The following CHN2 variants were observed in gnomAD, a reference collection of about 807,000 sequenced individuals.
The protein encoded by CHN2 is beta-chimaerin.
A neutral mutation model predicts 56.3 loss-of-function variants in CHN2; 35 were observed. The observed-to-expected ratio is 0.62, with a 90% CI of 0.47 to 0.82. The LOEUF is 0.82. Among genes scored for constraint, CHN2 ranks in the 40% least tolerant of loss-of-function variants. The pLI is 0.00. For synonymous variants in CHN2, 210 were observed against 212.8 expected (o/e 0.99, Z 0.12); for missense variants, 491 against 580.5 (o/e 0.85, Z 1.58).
intron 3 of CHN2, among the ~76,000 whole-genome samples, chr7:29,371,674 C>T (rs1262099041): frequency 6.6e-6 from 1 of 152,154 alleles, no homozygotes; most frequent in East Asian, 1.9e-4. Context: ...CACTGGACCT[C>T]CTCAGGCCAC....
intron 1 of CHN2, chr7:29,288,922 A>C (rs936902814): frequency 6.6e-6 from 1 of 152,244 alleles, no homozygotes; most frequent in Non-Finnish European, 1.5e-5. Flanking sequence ...GACACGCTTC[A>C]TCGTGCCAAC....
intron 1 of CHN2, among the ~76,000 whole-genome samples, chr7:29,210,714 TG>T (rs986622344): frequency 1.3e-5 from 2 of 152,022 alleles, no homozygotes; most frequent in African/African-American, 4.8e-5. Context: ...CAGGAAATGC[TG>T]GGGGTAAGGG....
In CHN2 at chr7:29,374,536, C is replaced by T. The variant is rs141844251; in HGVS notation, c.144+6549C>T. ...TAATACAGATCCCCGCAAGTATGCACCTAGAACATATTTAGACATTTCCAA... is the reference window on the plus strand; with the variant it reads ...TAATACAGATCCCCGCAAGTATGCATCTAGAACATATTTAGACATTTCCAA... On this transcript the variant is annotated intron_variant, in intron 3 of 12. Transcript: ENST00000222792. Among the ~76,000 whole-genome samples the T allele has an allele frequency of 4.4e-3, 675 of 152,168 alleles. 3 individuals are homozygous for T. The highest frequency in any genetic ancestry group is 7.1e-3 in the Non-Finnish European group (485 of 68,012).
chr7:29,243,916 C>T (rs930483530), intron 1 of CHN2, among the ~76,000 whole-genome samples: 5 of 152,186 alleles, frequency 3.3e-5, no homozygotes, highest in Non-Finnish European at 5.9e-5. Context: ...AAGATCTTGC[C>T]GATCTGAACA....
intron 1 of CHN2, among the ~76,000 whole-genome samples, chr7:29,236,214 T>G (rs1787186203): frequency 6.6e-6 from 1 of 152,186 alleles, no homozygotes; most frequent in South Asian, 2.1e-4. Flanking sequence ...GAGTAGAATT[T>G]CTGTGAGAAG....
chr7:29,212,885 G>A (rs572854322), intron 1 of CHN2: 4 of 1,610,594 alleles, frequency 2.5e-6, no homozygotes, highest in East Asian at 2.2e-5. Context: ...CTTCCAATGT[G>A]GAGCAACCAG....
At chr7:29,501,562 G>C (rs1165860408) in intron 9 of CHN2, among the ~76,000 whole-genome samples, 1 of 152,186 alleles carries the variant, frequency 6.6e-6, no homozygotes, top group Non-Finnish European at 1.5e-5. Flanking sequence ...TAACATTTAA[G>C]AATAGGGGGC....
intron 6 of CHN2, among the ~76,000 whole-genome samples, chr7:29,460,068 T>C (rs1785045444): frequency 6.7e-6 from 1 of 150,246 alleles, no homozygotes; most frequent in Admixed American, 6.6e-5. Context: ...CATATGTACA[T>C]TGAATCACCA....
At chr7:29,156,164 A>G (rs1253656270) in intron 2 of CHN2, among the ~76,000 whole-genome samples, 1 of 152,192 alleles carries the variant, frequency 6.6e-6, no homozygotes, top group African/African-American at 2.4e-5. Flanking sequence ...TTTGACATTC[A>G]GGTCTATCTT....
At chr7:29,216,977 A>C (rs372391871) in intron 1 of CHN2, among the ~76,000 whole-genome samples, 21 of 152,206 alleles carry the variant, frequency 1.4e-4, no homozygotes, top group African/African-American at 4.6e-4. Context: ...CTTTCTCCCC[A>C]GTGTACTAAC....
rs1790009071 is a variant in CHN2, at chr7:29,264,915, GA to G, written c.49+69926del. Among the ~76,000 whole-genome samples, 12 of 129,114 alleles carry G rather than the reference GA, an allele frequency of 9.3e-5. No individual in the cohort carries two copies. In the Admixed American group the frequency reaches 1.0e-3, roughly 11 times the overall value. The allele number at this position is 129,114 out of a possible 152,430, so 84.7% of individuals were successfully genotyped here. A position where few individuals can be genotyped will look rare whatever the true frequency, so the allele number is the denominator to read the frequency against. On this transcript the variant is annotated intron_variant, in intron 1 of 12. Coordinates refer to ENST00000222792, the MANE Select transcript of CHN2 (RefSeq NM_004067.4). ...TTAATTTAGGTAGAGTAAATCATTAGACTTTTTAAAGGAGATCTGTTATTTC... is the reference window on the plus strand; with the variant it reads ...TTAATTTAGGTAGAGTAAATCATTAGCTTTTTAAAGGAGATCTGTTATTTC...
At position 29,261,505 on chromosome 7, in the gene CHN2, C is replaced by G. The variant is rs1304042401; in HGVS notation, c.49+66515C>G. 2.4e-5 allele frequency among the ~76,000 whole-genome samples: 3 copies of G among 124,522 alleles called. No homozygotes were observed. In the Admixed American group the frequency reaches 2.6e-4, roughly 11 times the overall value. 81.7% of individuals were successfully genotyped at this position (124,522 alleles called of 152,430 possible). On this transcript the variant is annotated intron_variant, in intron 1 of 12. Coordinates refer to ENST00000222792, the MANE Select transcript of CHN2 (RefSeq NM_004067.4). ...CACCCTAAGGACCACAAGTATTTCT[C>G]TAGCCCACACACGTTGTCTGGAGTA... is the stretch of plus-strand genomic sequence containing the variant.
At chr7:29,156,373 T>C (rs1794374781) in intron 2 of CHN2, among the ~76,000 whole-genome samples, 1 of 152,218 alleles carries the variant, frequency 6.6e-6, no homozygotes, top group East Asian at 1.9e-4. Context: ...GAAGGACACA[T>C]TTTAATTAGA....
At chr7:29,194,629 C>T (rs904660606), upstream of CHN2, 21 of 296,926 alleles carry the variant, frequency 7.1e-5, no homozygotes, top group African/African-American at 4.4e-4. Flanking sequence ...CAGAGGGGCT[C>T]GGCGGGAGCC....
At chr7:29,302,724 A>G (rs535196088) in intron 1 of CHN2, among the ~76,000 whole-genome samples, 79 of 151,940 alleles carry the variant, frequency 5.2e-4, no homozygotes, top group Non-Finnish European at 8.7e-4. Context: ...CATCTTCCCA[A>G]ACTGAAACTC....
intron 1 of CHN2, among the ~76,000 whole-genome samples, chr7:29,300,826 T>C (rs1793604705): frequency 6.6e-6 from 1 of 152,222 alleles, no homozygotes; most frequent in Admixed American, 6.5e-5. Context: ...ATGTGATTTA[T>C]TTGTAGGCAT....
intron 1 of CHN2, among the ~76,000 whole-genome samples, chr7:29,207,169 G>A (rs1784577559): frequency 1.3e-5 from 2 of 152,212 alleles, no homozygotes; most frequent in African/African-American, 4.8e-5. Flanking sequence ...TTGTAAGAAA[G>A]AGAAGGTGAA....
At chr7:29,433,414 A>G (rs561508882) in intron 6 of CHN2, among the ~76,000 whole-genome samples, 1 of 152,352 alleles carries the variant, frequency 6.6e-6, no homozygotes, top group South Asian at 2.1e-4. Flanking sequence ...CCTTGTCTTG[A>G]CCATAAGTGA....
At chr7:29,193,065 G>A (rs928271878), upstream of CHN2, 1 of 152,256 alleles carries the variant, frequency 6.6e-6, no homozygotes, top group African/African-American at 2.4e-5. Flanking sequence ...ATAGTGGTAG[G>A]GGCTGGGAAA....
Sources: allele counts gnomAD v4.1 joint callset (sites outside exome capture counted in the v4.1 genomes callset), GRCh38; gene constraint gnomAD v4.1.1; transcripts MANE v1.5; gene names NCBI Gene and HGNC (gene_info 2026-07-23, HGNC 2026-07-21).